The following CSNK2A2IP variants were observed in gnomAD, a reference collection of about 807,000 sequenced individuals.
CSNK2A2IP encodes casein kinase 2 subunit alpha' interacting protein.
chr3:88,354,426 C>A, the CSNK2A2IP span, among the ~76,000 whole-genome samples: 1 of 152,098 alleles, frequency 6.6e-6, no homozygotes, highest in Non-Finnish European at 1.5e-5. Context: ...GGGTAGTACT[C>A]ATACAACAAA....
chr3:88,358,821 G>T, the CSNK2A2IP span, among the ~76,000 whole-genome samples: 1 of 152,012 alleles, frequency 6.6e-6, no homozygotes, highest in Non-Finnish European at 1.5e-5. Flanking sequence ...GTCTGATTTT[G>T]GTGTCAGGGT....
chr3:88,457,512 A>G, the CSNK2A2IP span, among the ~76,000 whole-genome samples: 1 of 151,902 alleles, frequency 6.6e-6, no homozygotes, highest in Non-Finnish European at 1.5e-5. Context: ...CCTGGCAAAC[A>G]TGGTGAAACC....
the CSNK2A2IP span, among the ~76,000 whole-genome samples, chr3:88,379,833 G>A: frequency 0.019 from 2,849 of 152,128 alleles, 79 homozygotes; most frequent in African/African-American, 0.063. Flanking sequence ...GCTTTGTAGT[G>A]CAGGCTATTG....
At chr3:88,383,450 T>C in the CSNK2A2IP span, among the ~76,000 whole-genome samples, 111 of 152,166 alleles carry the variant, frequency 7.3e-4, no homozygotes, top group African/African-American at 2.5e-3. Flanking sequence ...ATACATAAAA[T>C]ACATAGCACA....
chr3:88,366,532 C>G, the CSNK2A2IP span, among the ~76,000 whole-genome samples: 1 of 152,090 alleles, frequency 6.6e-6, no homozygotes, highest in African/African-American at 2.4e-5. Flanking sequence ...TTTATATCCT[C>G]AAGCTATAAT....
chr3:88,377,977 T>C, the CSNK2A2IP span, among the ~76,000 whole-genome samples: 5,712 of 151,998 alleles, frequency 0.038, 266 homozygotes, highest in African/African-American at 0.11. Flanking sequence ...ATATGATTTT[T>C]CATTTTTCAC....
the CSNK2A2IP span, among the ~76,000 whole-genome samples, chr3:88,370,514 C>G: frequency 6.6e-6 from 1 of 151,662 alleles, no homozygotes; most frequent in African/African-American, 2.4e-5. Context: ...TGAGAACCCT[C>G]CCTTCCATGA....
chr3:88,383,948 C>T, the CSNK2A2IP span, among the ~76,000 whole-genome samples: 1 of 150,482 alleles, frequency 6.6e-6, no homozygotes, highest in Non-Finnish European at 1.5e-5. Flanking sequence ...CAGGCATAAG[C>T]CACTGCGCCG....
the CSNK2A2IP span, among the ~76,000 whole-genome samples, chr3:88,422,130 T>A: frequency 1.8e-4 from 27 of 152,318 alleles, no homozygotes; most frequent in South Asian, 5.4e-3. Flanking sequence ...AAACTTTTAT[T>A]AGACTTTTTT....
At chr3:88,392,704 G>A in the CSNK2A2IP span, among the ~76,000 whole-genome samples, 8 of 152,052 alleles carry the variant, frequency 5.3e-5, no homozygotes, top group African/African-American at 1.9e-4. Flanking sequence ...GTTGAAACAA[G>A]GTTGGAATAA....
chr3:88,418,063 T>G, the CSNK2A2IP span, among the ~76,000 whole-genome samples: 2 of 152,148 alleles, frequency 1.3e-5, no homozygotes, highest in Non-Finnish European at 2.9e-5. Flanking sequence ...TGTCTGAACA[T>G]TATGAGGAAT....
the CSNK2A2IP span, among the ~76,000 whole-genome samples, chr3:88,356,810 T>C: frequency 6.6e-6 from 1 of 152,158 alleles, no homozygotes; most frequent in Admixed American, 6.5e-5. Flanking sequence ...GCTGACATAA[T>C]ATTTCATTGT....
At chr3:88,458,619 TC>T in the CSNK2A2IP span, among the ~76,000 whole-genome samples, 25 of 130,324 alleles carry the variant, frequency 1.9e-4, no homozygotes, top group African/African-American at 6.0e-4. Flanking sequence ...AATGTGCTCT[TC>T]TTTTTTTTTA....
chr3:88,417,159 A>T, the CSNK2A2IP span, among the ~76,000 whole-genome samples: 1 of 151,984 alleles, frequency 6.6e-6, no homozygotes, highest in Non-Finnish European at 1.5e-5. Flanking sequence ...GTTGATAGAC[A>T]CACAGGGGAA....
At chr3:88,447,672 A>G in the CSNK2A2IP span, among the ~76,000 whole-genome samples, 3 of 152,276 alleles carry the variant, frequency 2.0e-5, no homozygotes, top group East Asian at 5.8e-4. Flanking sequence ...AAATGCAGAT[A>G]CATAGTAACG....
the CSNK2A2IP span, among the ~76,000 whole-genome samples, chr3:88,418,463 T>TGTGTGCGC: frequency 3.3e-4 from 50 of 149,630 alleles, no homozygotes; most frequent in African/African-American, 1.2e-3. Flanking sequence ...TGTGTGTGTG[T>TGTGTGCGC]GCGCGCGGGC....
the CSNK2A2IP span, among the ~76,000 whole-genome samples, chr3:88,373,458 T>C: frequency 2.9e-4 from 44 of 151,486 alleles, no homozygotes; most frequent in Non-Finnish European, 5.2e-4. Context: ...ATTTAAAATA[T>C]CAAATTTTTT....
At chr3:88,410,328 TAGAA>T in the CSNK2A2IP span, among the ~76,000 whole-genome samples, 1 of 152,062 alleles carries the variant, frequency 6.6e-6, no homozygotes. Flanking sequence ...TAGCTATTCA[TAGAA>T]AGAGTCTGTT....
chr3:88,375,931 C>T, the CSNK2A2IP span, among the ~76,000 whole-genome samples: 3 of 151,596 alleles, frequency 2.0e-5, no homozygotes, highest in Non-Finnish European at 4.4e-5. Flanking sequence ...TTAGTTGTTA[C>T]TTCCTCTTTC....
Sources: allele counts gnomAD v4.1 joint callset (sites outside exome capture counted in the v4.1 genomes callset), GRCh38; gene constraint gnomAD v4.1.1; transcripts MANE v1.5; gene names NCBI Gene and HGNC (gene_info 2026-07-23, HGNC 2026-07-21).